Variants in MBOAT1 observed in about 807,000 individuals in gnomAD.
The protein encoded by MBOAT1 is membrane-bound glycerophospholipid O-acyltransferase 1.
Under a neutral mutation model 64.4 loss-of-function variants are expected in MBOAT1, and 67 were observed. The ratio of observed to expected loss-of-function variants is 1.04; its 90% CI spans 0.85 to 1.27. The LOEUF is 1.27. Among genes scored for constraint, MBOAT1 ranks in the 50% most tolerant of loss-of-function variants. The probability of loss-of-function intolerance (pLI) is 0.00; values close to 1 mark genes in which losing one functional copy is unlikely to be tolerated. For synonymous variants in MBOAT1, 229 were observed against 218.9 expected, an observed-to-expected ratio of 1.05 and a Z score of -0.41; for missense variants, 563 against 604.6, an observed-to-expected ratio of 0.93 and a Z score of 0.72.
intron 11 of MBOAT1, among the ~76,000 whole-genome samples, 168 bp downstream of exon 11, chr6:20,112,708 T>C (rs1760203408): frequency 6.6e-6 from 1 of 152,166 alleles, no homozygotes; most frequent in Non-Finnish European, 1.5e-5. Flanking sequence ...GGTTCCTACA[T>C]ATTGAAGTAT....
chr6:20,129,366 C>T (rs1760751849), intron 5 of MBOAT1, among the ~76,000 whole-genome samples: 2 of 152,150 alleles, frequency 1.3e-5, no homozygotes, highest in African/African-American at 4.8e-5. Context: ...AAGTCACATC[C>T]ATGCTTTCTG....
chr6:20,197,212 A>G (rs1000679223), intron 1 of MBOAT1, among the ~76,000 whole-genome samples: 3 of 152,006 alleles, frequency 2.0e-5, no homozygotes, highest in Non-Finnish European at 4.4e-5. Context: ...TCAGCCTCCC[A>G]TGTAGCTGGG....
intron 3 of MBOAT1, among the ~76,000 whole-genome samples, chr6:20,146,093 G>A (rs1203111149): frequency 2.0e-5 from 3 of 152,220 alleles, no homozygotes; most frequent in African/African-American, 4.8e-5. Flanking sequence ...GAAATGAACT[G>A]AAATGAATAC....
chr6:20,158,915 T>C (rs1002899593), intron 1 of MBOAT1, among the ~76,000 whole-genome samples: 1 of 152,098 alleles, frequency 6.6e-6, no homozygotes, highest in East Asian at 1.9e-4. Context: ...AGATGAAAGA[T>C]AACAAGTGCT....
At chr6:20,176,465 C>T (rs951746831) in intron 1 of MBOAT1, among the ~76,000 whole-genome samples, 10 of 151,668 alleles carry the variant, frequency 6.6e-5, no homozygotes, top group Admixed American at 6.6e-4. Flanking sequence ...AGGTCCACTA[C>T]CCACCTTCTT....
chr6:20,154,147 A>G (rs1473974811), intron 1 of MBOAT1, among the ~76,000 whole-genome samples: 1 of 152,226 alleles, frequency 6.6e-6, no homozygotes, highest in African/African-American at 2.4e-5. Context: ...ATTTGAGCTC[A>G]TTTTGTTTGC....
At position 20,128,752 on chromosome 6, in the gene MBOAT1, T is replaced by C; in HGVS notation, c.477A>G (p.Gly159=). 6.3e-7 allele frequency: 1 copy of C among 1,598,132 alleles called. No homozygotes were observed. Among genetic ancestry groups the C allele is most frequent in the East Asian group, 2.2e-5 (1 of 44,636 alleles). Residue 159 remains glycine (G), a splice_region_variant and synonymous_variant, in exon 6 of 13, where the codon GGA becomes GGG. Coordinates refer to ENST00000324607, the MANE Select transcript of MBOAT1 (RefSeq NM_001080480.3). ...ITTLAFQVHD[G]LGRRAEDLSA... ...AAAGGTCTTCAGCTCTTCGACCTAATCCTATGAAAAAGAAAAGAATTTAGA... is the reference window on the plus strand; with the variant it reads ...AAAGGTCTTCAGCTCTTCGACCTAACCCTATGAAAAAGAAAAGAATTTAGA...
chr6:20,128,501 T>C (rs1297442593), intron 6 of MBOAT1, among the ~76,000 whole-genome samples, 198 bp downstream of exon 6: 2 of 152,234 alleles, frequency 1.3e-5, no homozygotes, highest in African/African-American at 4.8e-5. Flanking sequence ...AATGACCTAG[T>C]ACAAGGTTAT....
chr6:20,194,578 A>ACAGATGTAAAGTGCCATTTT (rs1762900816), intron 1 of MBOAT1, among the ~76,000 whole-genome samples: 1 of 152,190 alleles, frequency 6.6e-6, no homozygotes, highest in Non-Finnish European at 1.5e-5. Context: ...CATTTTCACC[A>ACAGATGTAAAGTGCCATTTT]CATCATATTA....
At chr6:20,163,509 T>C (rs1481728037) in intron 1 of MBOAT1, among the ~76,000 whole-genome samples, 1 of 152,162 alleles carries the variant, frequency 6.6e-6, no homozygotes. Context: ...ATTTTACAGA[T>C]ATGGAAATTC....
intron 1 of MBOAT1, among the ~76,000 whole-genome samples, chr6:20,204,408 G>A (rs994268443): frequency 2.6e-5 from 4 of 152,344 alleles, no homozygotes; most frequent in East Asian, 1.9e-4. Context: ...AGCATACAGC[G>A]CTCAGTAAGT....
intron 1 of MBOAT1, among the ~76,000 whole-genome samples, chr6:20,169,966 C>A (rs1231230905): frequency 1.3e-5 from 2 of 152,224 alleles, no homozygotes; most frequent in African/African-American, 4.8e-5. Context: ...ATGAACAACA[C>A]CCAGTCTTGG....
chr6:20,112,380 G>A (rs961619381), intron 11 of MBOAT1, among the ~76,000 whole-genome samples: 4 of 152,122 alleles, frequency 2.6e-5, no homozygotes, highest in Admixed American at 1.3e-4. Flanking sequence ...TGCGTTGGGC[G>A]TGTGAACACA....
At chr6:20,188,084 C>T (rs1392800429) in intron 1 of MBOAT1, among the ~76,000 whole-genome samples, 1 of 152,026 alleles carries the variant, frequency 6.6e-6, no homozygotes, top group Admixed American at 6.6e-5. Flanking sequence ...AAGAGGCAAC[C>T]CTACGAACTA....
At chr6:20,117,223 A>C (rs1443452061) in intron 9 of MBOAT1, among the ~76,000 whole-genome samples, 4 of 152,204 alleles carry the variant, frequency 2.6e-5, no homozygotes, top group African/African-American at 9.6e-5. Context: ...CTTTCCACCC[A>C]CAGGAGACCC....
intron 4 of MBOAT1, among the ~76,000 whole-genome samples, chr6:20,134,902 C>CTTTTTTTT (rs3057688): frequency 9.5e-6 from 1 of 104,742 alleles, no homozygotes; most frequent in African/African-American, 3.6e-5. Flanking sequence ...AATTCATGTT[C>CTTTTTTTT]TTTTTTTTTT....
intron 1 of MBOAT1, among the ~76,000 whole-genome samples, chr6:20,205,135 A>G (rs1763226010): frequency 6.6e-6 from 1 of 152,044 alleles, no homozygotes; most frequent in East Asian, 1.9e-4. Context: ...AGAGTTTGAG[A>G]CTGCAGGGTG....
rs112496554 is a variant in MBOAT1 at position 20,128,587 on chromosome 6, AATG to A, written c.530+109_530+111del. On this transcript the variant is annotated intron_variant, in intron 6 of 12. Transcript: ENST00000324607. The stretch of plus-strand genomic sequence containing the variant: ...CCATCAATAGCAGATTCATAAAATA[AATG>A]ATATTATATCCATAGAACAGAATTA... 1.9e-4 allele frequency: 138 copies of A among 735,708 alleles called. No homozygotes were observed. In the African/African-American group the frequency reaches 2.0e-3, roughly 11 times the overall value. 45.6% of individuals were successfully genotyped at this position (735,708 alleles called of 1,614,324 possible). A position where few individuals can be genotyped will look rare whatever the true frequency, so the allele number is the denominator to read the frequency against.
chr6:20,152,358 TAAA>T (rs1185788608), intron 2 of MBOAT1, among the ~76,000 whole-genome samples: 1,993 of 96,744 alleles, frequency 0.021, 31 homozygotes, highest in African/African-American at 0.054. Context: ...AATAAATAAA[TAAA>T]TAAATTAATT....
Sources: allele counts gnomAD v4.1 joint callset (sites outside exome capture counted in the v4.1 genomes callset), GRCh38; gene constraint gnomAD v4.1.1; transcripts MANE v1.5; gene names NCBI Gene and HGNC (gene_info 2026-07-23, HGNC 2026-07-21).